Variants in TMPRSS15 observed in about 807,000 individuals in gnomAD.
TMPRSS15 encodes the protein transmembrane serine protease 15.
A neutral mutation model predicts 125.3 loss-of-function variants in TMPRSS15; 128 were observed. The observed-to-expected ratio is 1.02, with a 90% confidence interval of 0.89 to 1.18. The LOEUF (loss-of-function observed/expected upper bound fraction) is 1.18. Among genes scored for constraint, TMPRSS15 ranks in the 50% most tolerant of loss-of-function variants. TMPRSS15 has a pLI of 0.00. For synonymous variants in TMPRSS15, 446 were observed against 423.2 expected (o/e 1.05, Z -0.66); for missense variants, 1,283 against 1,212.7 (o/e 1.06, Z -0.86).
At chr21:18,425,231 T>C (rs1285794445) in intron 1 of TMPRSS15, among the ~76,000 whole-genome samples, 2 of 152,110 alleles carry the variant, frequency 1.3e-5, no homozygotes, top group East Asian at 3.9e-4. Flanking sequence ...AATTTTCATT[T>C]ACATTGATTA....
rs1462311278 is a variant in TMPRSS15 at position 18,394,036 on chromosome 21, A to G, written c.344+3843T>C. ...CAAATGAATGGATGACTACCTGAAC[A>G]TTTATTTAACTCTATGTTGACAGGA... On this transcript the variant is annotated intron_variant, in intron 3 of 24. Transcript: ENST00000284885. Among the ~76,000 whole-genome samples the G allele has an allele frequency of 2.6e-5, 4 of 152,264 alleles. No individual in the cohort carries two copies. In the East Asian group the frequency reaches 5.8e-4, roughly 22 times the overall value.
At chr21:18,357,241 AAC>A (rs2075634195) in intron 8 of TMPRSS15, among the ~76,000 whole-genome samples, 2 of 151,864 alleles carry the variant, frequency 1.3e-5, no homozygotes, top group Admixed American at 1.3e-4. Context: ...ACTTAAAGAA[AAC>A]ACTTTTGAAA....
intron 1 of TMPRSS15, among the ~76,000 whole-genome samples, chr21:18,479,043 C>A (rs1368497959): frequency 6.6e-6 from 1 of 151,864 alleles, no homozygotes; most frequent in Non-Finnish European, 1.5e-5. Flanking sequence ...CATCCCACAT[C>A]TGAAAATCTG....
intron 21 of TMPRSS15, among the ~76,000 whole-genome samples, chr21:18,293,868 A>G (rs1413748033): frequency 1.3e-5 from 2 of 152,236 alleles, no homozygotes; most frequent in African/African-American, 4.8e-5. Flanking sequence ...GGGCTACCTA[A>G]GAATACTGAT....
intron 6 of TMPRSS15, among the ~76,000 whole-genome samples, chr21:18,366,285 TTCCATCCAACAAA>T (rs2075736801): frequency 6.6e-6 from 1 of 152,188 alleles, no homozygotes; most frequent in South Asian, 2.1e-4. Flanking sequence ...CTATACAGAA[TTCCATCCAACAAA>T]TCTGTTAGTC....
At chr21:18,315,494 AAT>A in intron 16 of TMPRSS15, among the ~76,000 whole-genome samples, 1 of 50,124 alleles carries the variant, frequency 2.0e-5, no homozygotes, top group East Asian at 5.8e-4. Context: ...AGTATAATAA[AAT>A]ATATATATAT....
chr21:18,447,688 C>T (rs1018786856), intron 1 of TMPRSS15, among the ~76,000 whole-genome samples: 6 of 151,938 alleles, frequency 3.9e-5, no homozygotes, highest in Non-Finnish European at 7.4e-5. Context: ...GGGGCTTTTT[C>T]CCTCCTTCAT....
intron 24 of TMPRSS15, among the ~76,000 whole-genome samples, chr21:18,271,399 C>CCAGA (rs1257994359): frequency 6.6e-6 from 1 of 152,056 alleles, no homozygotes; most frequent in Non-Finnish European, 1.5e-5. Flanking sequence ...ACAAGAGGAT[C>CCAGA]CAGACAGAAT....
chr21:18,423,757 C>G (rs1879347806), intron 1 of TMPRSS15, among the ~76,000 whole-genome samples: 1 of 152,034 alleles, frequency 6.6e-6, no homozygotes, highest in African/African-American at 2.4e-5. Context: ...GGTTCCGCTT[C>G]CCTAGTGATA....
chr21:18,481,343 A>G (rs1161822833), intron 1 of TMPRSS15, among the ~76,000 whole-genome samples: 2 of 151,836 alleles, frequency 1.3e-5, no homozygotes, highest in African/African-American at 2.4e-5. Flanking sequence ...CAAAGACTCC[A>G]ACCCACAGCA....
At chr21:18,446,523 A>C (rs1291770612) in intron 1 of TMPRSS15, among the ~76,000 whole-genome samples, 1 of 152,152 alleles carries the variant, frequency 6.6e-6, no homozygotes, top group Non-Finnish European at 1.5e-5. Flanking sequence ...CAAAGCTAGA[A>C]GCAACATACT....
At chr21:18,407,663 G>A (rs1006892706), upstream of TMPRSS15, among the ~76,000 whole-genome samples, 4 of 151,788 alleles carry the variant, frequency 2.6e-5, no homozygotes, top group African/African-American at 7.3e-5. Flanking sequence ...GTCTCACTTC[G>A]TTGTCCAGGC....
rs565253082 is a variant in TMPRSS15 at position 18,370,284 on chromosome 21, T to A, written c.664+1909A>T. Among the ~76,000 whole-genome samples, 9 of 152,252 alleles carry A rather than the reference T, an allele frequency of 5.9e-5. No homozygotes were observed. In the East Asian group the frequency reaches 1.7e-3, roughly 29 times the overall value. On this transcript the variant is annotated intron_variant, in intron 6 of 24. Transcript: ENST00000284885. ...TGGTTCATTTTTATATGCACTGATA[T>A]TAGTTCATCATGAAAATTATGAACT... is the stretch of plus-strand genomic sequence containing the variant.
intron 5 of TMPRSS15, 143 bp from the exon 6 acceptor site, chr21:18,372,467 C>G: frequency 1.3e-6 from 1 of 791,840 alleles, no homozygotes; most frequent in Non-Finnish European, 2.0e-6. Context: ...ATTTGCAAAT[C>G]AATCATTTGT....
At position 18,365,570 on chromosome 21, in the gene TMPRSS15, C is replaced by CTT. The variant is rs886245699; in HGVS notation, c.665-323_665-322insAA. ...CTTCCTTTTCTCTCTTTCTTTCTCT[C>CTT]TCTTTCTCTCTTTTTCCTTCCTTCC... is the stretch of plus-strand genomic sequence containing the variant. On this transcript the variant is annotated intron_variant, in intron 6 of 24. Coordinates refer to ENST00000284885, the MANE Select transcript of TMPRSS15 (RefSeq NM_002772.3). Among the ~76,000 whole-genome samples the CTT allele has an allele frequency of 1.4e-4, 12 of 83,440 alleles. No individual in the cohort carries two copies. The South Asian group carries it at 3.2e-3, about 22-fold the overall frequency. 54.7% of individuals were successfully genotyped at this position (83,440 alleles called of 152,430 possible). A position where few individuals can be genotyped will look rare whatever the true frequency, so the allele number is the denominator to read the frequency against.
chr21:18,416,645 AC>A (rs1216488375), intron 1 of TMPRSS15, among the ~76,000 whole-genome samples: 4 of 152,014 alleles, frequency 2.6e-5, no homozygotes, highest in African/African-American at 9.7e-5. Context: ...AAAATGTGAA[AC>A]TCTTTGATAA....
chr21:18,369,971 A>AAC (rs1414588138), intron 6 of TMPRSS15, among the ~76,000 whole-genome samples: 1 of 86,422 alleles, frequency 1.2e-5, no homozygotes, highest in African/African-American at 3.7e-5. Context: ...TACTTACTTA[A>AAC]ACGAAAAAAA....
At chr21:18,341,764 G>C (rs2075448715) in intron 12 of TMPRSS15, among the ~76,000 whole-genome samples, 1 of 152,010 alleles carries the variant, frequency 6.6e-6, no homozygotes, top group Non-Finnish European at 1.5e-5. Flanking sequence ...GTTCACACTG[G>C]CTAAATTTCC....
At chr21:18,367,006 A>C (rs937741979) in intron 6 of TMPRSS15, among the ~76,000 whole-genome samples, 2 of 152,060 alleles carry the variant, frequency 1.3e-5, no homozygotes, top group Non-Finnish European at 2.9e-5. Context: ...TCATGTGTTT[A>C]TTGGGTTTTT....
Sources: gnomAD v4.1 joint callset for allele counts (sites outside exome capture counted in the v4.1 genomes callset) on GRCh38, gnomAD v4.1.1 for gene constraint, MANE v1.5 for transcripts, NCBI Gene and HGNC (gene_info 2026-07-23, HGNC 2026-07-21) for gene names.